Variants in ARHGAP23 observed in about 807,000 individuals in gnomAD.
The protein encoded by ARHGAP23 is Rho GTPase activating protein 23, also known as rho GTPase-activating protein 23.
In ARHGAP23, 34 loss-of-function variants were observed where a neutral mutation model predicts 136.3. The observed-to-expected ratio is 0.25, with a 90% CI of 0.19 to 0.33. ARHGAP23 has a LOEUF of 0.33. Ranked by LOEUF, ARHGAP23 falls within the 10% of genes least tolerant of loss-of-function variation. The pLI is 1.00. For missense variants in ARHGAP23, 1,808 were observed against 2,139.0 expected (o/e 0.85, Z 3.05); for synonymous variants, 832 against 920.5 (o/e 0.90, Z 1.74).
In ARHGAP23 at chr17:38,469,263, A is replaced by G. The variant is rs2039685423; in HGVS notation, c.1768A>G (p.Thr590Ala). ...LGTSPSSPTF[T>A]FTLGRHYSQD... is the part of the protein sequence containing the mutation. ...CACCAGCCCATCTTCCCCGACCTTC[A>G]CTTTCACCCTCGGACGCCATTACTC... Residue 590 changes from threonine (T) to alanine (A), a missense_variant, in exon 8 of 24, where the codon ACT becomes GCT. Around this residue, in one of 7 missense-constraint regions of ARHGAP23, gnomAD observed 859 missense variants for 936.4 expected, o/e 0.92. Coordinates refer to ENST00000622683, the MANE Select transcript of ARHGAP23 (RefSeq NM_001199417.2). The G allele has an allele frequency of 6.4e-7, 1 of 1,551,200 alleles. No homozygotes were observed. The highest frequency in any genetic ancestry group is 8.7e-7 in the Non-Finnish European group (1 of 1,146,736).
At chr17:38,437,257 G>A (rs1419962475) in intron 1 of ARHGAP23, among the ~76,000 whole-genome samples, 1 of 151,014 alleles carries the variant, frequency 6.6e-6, no homozygotes, top group Non-Finnish European at 1.5e-5. Context: ...CCAGGCTGGA[G>A]TGCAGTGGCA....
At chr17:38,489,886 C>G in intron 17 of ARHGAP23, 1 of 575,320 alleles carries the variant, frequency 1.7e-6, no homozygotes, top group Non-Finnish European at 3.2e-6. Flanking sequence ...CTGGGCTACC[C>G]CAGGTCAGGT....
intron 10 of ARHGAP23, among the ~76,000 whole-genome samples, chr17:38,471,141 T>C (rs149972105): frequency 8.9e-4 from 134 of 151,218 alleles, no homozygotes; most frequent in African/African-American, 2.9e-3. Flanking sequence ...TTAGTAGAGA[T>C]GGGGTTTCAC....
chr17:38,455,763 C>G (rs551812143), intron 1 of ARHGAP23, among the ~76,000 whole-genome samples: 34 of 152,310 alleles, frequency 2.2e-4, no homozygotes, highest in African/African-American at 7.2e-4. Flanking sequence ...ACCCCCAGAC[C>G]CTTTTCGCTC....
rs1300983352 is a variant in ARHGAP23 at position 38,420,854 on chromosome 17, G to A, written n.120+1455G>A. ...AGTGGTAGGGCGGGGAGGGAGGGAA[G>A]AGTAGTAAATGCCACTGAATTGCTC... is the stretch of plus-strand genomic sequence containing the variant. On this transcript the variant is annotated intron_variant and non_coding_transcript_variant, in intron 1 of 4. Coordinates refer to the ARHGAP23 transcript ENST00000633445. Among the ~76,000 whole-genome samples, 6 of 152,298 alleles carry A rather than the reference G, an allele frequency of 3.9e-5. No homozygotes were observed. In the East Asian group the frequency reaches 7.7e-4, roughly 20 times the overall value.
rs1461562096 is a variant in ARHGAP23, at chr17:38,463,211, C to T, written c.428+15C>T. On this transcript the variant is annotated intron_variant, in intron 5 of 23. Coordinates refer to ENST00000622683, the MANE Select transcript of ARHGAP23 (RefSeq NM_001199417.2). ...ATCCAGAATAGGTGAGTGTCCCTGA[C>T]CCCTCGTCCCATATTATCTCCCCTC... The T allele has an allele frequency of 3.9e-6, 6 of 1,551,062 alleles. No individual in the cohort carries two copies. The East Asian group carries it at 9.8e-5, about 25-fold the overall frequency.
In ARHGAP23 at chr17:38,446,765, C is replaced by T. The variant is rs117922487; in HGVS notation, c.64-11337C>T. Among the ~76,000 whole-genome samples the T allele has an allele frequency of 5.4e-4, 82 of 152,072 alleles. No homozygotes were observed. In the East Asian group the frequency reaches 0.012, roughly 23 times the overall value. Reference sequence around the variant, plus strand: ...CATGTTTAATTTTTTGAGAAACTGCCATACTGATTTCCATAGCAACTCCAC... The same window carrying T: ...CATGTTTAATTTTTTGAGAAACTGCTATACTGATTTCCATAGCAACTCCAC... On this transcript the variant is annotated intron_variant, in intron 1 of 23. Coordinates refer to ENST00000622683, the MANE Select transcript of ARHGAP23 (RefSeq NM_001199417.2).
intron 16 of ARHGAP23, among the ~76,000 whole-genome samples, chr17:38,483,138 C>G (rs912092052): frequency 3.3e-5 from 5 of 152,194 alleles, no homozygotes; most frequent in Non-Finnish European, 7.4e-5. Context: ...CCCTTCTCTT[C>G]CTCCTCCTTC....
At chr17:38,482,794 G>A (rs1157522489) in intron 16 of ARHGAP23, 116 bp downstream of exon 16, 35 of 1,246,080 alleles carry the variant, frequency 2.8e-5, no homozygotes, top group Admixed American at 7.2e-5. Flanking sequence ...TGACATGCCC[G>A]GCATTGGTCC....
intron 1 of ARHGAP23, among the ~76,000 whole-genome samples, chr17:38,419,730 G>T (rs1376235973): frequency 6.6e-6 from 1 of 152,076 alleles, no homozygotes; most frequent in Non-Finnish European, 1.5e-5. Flanking sequence ...ACTTGGTAAG[G>T]GTACAGCCCC....
At chr17:38,494,277 T>C (rs1206882604) in intron 20 of ARHGAP23, among the ~76,000 whole-genome samples, 1 of 152,182 alleles carries the variant, frequency 6.6e-6, no homozygotes, top group Non-Finnish European at 1.5e-5. Flanking sequence ...CCTCACATCG[T>C]TGTGAATGTC....
intron 11 of ARHGAP23, among the ~76,000 whole-genome samples, chr17:38,472,630 G>A (rs980556215): frequency 1.1e-4 from 16 of 152,124 alleles, no homozygotes; most frequent in African/African-American, 3.4e-4. Context: ...AGAAGGGCAG[G>A]GCCCCTGGAT....
At chr17:38,420,368 A>G (rs2038508490) in intron 1 of ARHGAP23, among the ~76,000 whole-genome samples, 1 of 152,022 alleles carries the variant, frequency 6.6e-6, no homozygotes, top group African/African-American at 2.4e-5. Flanking sequence ...TAGGTTTTCT[A>G]TTTGGGACAC....
intron 1 of ARHGAP23, among the ~76,000 whole-genome samples, chr17:38,430,215 G>C (rs1320555817): frequency 6.6e-6 from 1 of 152,178 alleles, no homozygotes; most frequent in Non-Finnish European, 1.5e-5. Flanking sequence ...CCATTTCACA[G>C]AGAGGGTCTG....
At chr17:38,484,486 G>T (rs2040117492) in intron 16 of ARHGAP23, among the ~76,000 whole-genome samples, 1 of 152,158 alleles carries the variant, frequency 6.6e-6, no homozygotes, top group South Asian at 2.1e-4. Context: ...GATGACCAAG[G>T]GTGGGCCGCA....
intron 6 of ARHGAP23, among the ~76,000 whole-genome samples, chr17:38,465,839 A>G (rs1363606204): frequency 6.6e-6 from 1 of 152,020 alleles, no homozygotes; most frequent in Non-Finnish European, 1.5e-5. Flanking sequence ...ATAAGGGGGC[A>G]GGCAGGCGGT....
chr17:38,491,387 C>A lies in ARHGAP23; in HGVS notation c.3151-20C>A, dbSNP rs2040275601. The A allele has an allele frequency of 6.5e-7, 1 of 1,549,562 alleles. No homozygotes were observed. Among genetic ancestry groups the A allele is most frequent in the Non-Finnish European group, 8.7e-7 (1 of 1,146,840 alleles). On this transcript the variant is annotated intron_variant, in intron 19 of 23. Transcript: ENST00000622683. ...CTGAGGTCAGGATGTTGACAGTGACCTGCTTTCCCTGCTGCCCAGATGGAA... is the reference window on the plus strand; with the variant it reads ...CTGAGGTCAGGATGTTGACAGTGACATGCTTTCCCTGCTGCCCAGATGGAA...
chr17:38,498,532 TG>T (rs1008430883), intron 22 of ARHGAP23, 22 bp downstream of exon 22: 2 of 1,513,328 alleles, frequency 1.3e-6, no homozygotes, highest in East Asian at 2.5e-5. Context: ...GGCCTGGGAG[TG>T]GGGAGGCGGG....
chr17:38,506,298 C>T (rs1029462359), intron 23 of ARHGAP23, among the ~76,000 whole-genome samples: 8 of 152,184 alleles, frequency 5.3e-5, no homozygotes, highest in African/African-American at 1.9e-4. Flanking sequence ...GCCAGAAGAG[C>T]TTCTGTAACT....
Sources: gnomAD v4.1 joint callset for allele counts (sites outside exome capture counted in the v4.1 genomes callset) on GRCh38, gnomAD v4.1.1 for gene constraint, gnomAD v4.1.1 regional missense constraint, MANE v1.5 for transcripts, NCBI Gene and HGNC (gene_info 2026-07-23, HGNC 2026-07-21) for gene names.